ADAMTSL1: variants seen among roughly 807,000 people sequenced by gnomAD.
The protein encoded by ADAMTSL1 is ADAMTS-like protein 1.
Under a neutral mutation model 201.8 loss-of-function variants are expected in ADAMTSL1, and 126 were observed. That is an observed-to-expected ratio of 0.62 (90% CI 0.54 to 0.72). The LOEUF (loss-of-function observed/expected upper bound fraction) is 0.72. Ranked by LOEUF, ADAMTSL1 falls within the 30% of genes least tolerant of loss-of-function variation. The pLI is 0.00. For missense variants in ADAMTSL1, 2,679 were observed against 2,277.8 expected (o/e 1.18, Z -3.59); for synonymous variants, 1,121 against 903.4 (o/e 1.24, Z -4.32).
At chr9:18,662,276 A>G (rs568967066) in intron 9 of ADAMTSL1, among the ~76,000 whole-genome samples, 1 of 152,306 alleles carries the variant, frequency 6.6e-6, no homozygotes, top group African/African-American at 2.4e-5. Context: ...CTCGGAGTCT[A>G]CAGACTCCCC....
intron 1 of ADAMTSL1, among the ~76,000 whole-genome samples, chr9:18,482,996 G>A (rs918608689): frequency 6.6e-6 from 1 of 152,282 alleles, no homozygotes; most frequent in Non-Finnish European, 1.5e-5. Flanking sequence ...TGAAATTACT[G>A]TTATGAGGTT....
chr9:18,524,623 C>G (rs969723378), intron 2 of ADAMTSL1, among the ~76,000 whole-genome samples: 1 of 152,072 alleles, frequency 6.6e-6, no homozygotes, highest in African/African-American at 2.4e-5. Context: ...CCATTGATAC[C>G]TAGTTTATTG....
chr9:18,829,023 G>A (rs1042290428), intron 22 of ADAMTSL1, among the ~76,000 whole-genome samples: 4 of 152,070 alleles, frequency 2.6e-5, no homozygotes, highest in African/African-American at 9.7e-5. Flanking sequence ...GTAAATTGCA[G>A]TTCCTCAGGA....
At chr9:18,179,876 C>T (rs1382321479) in intron 2 of ADAMTSL1, among the ~76,000 whole-genome samples, 87 of 151,728 alleles carry the variant, frequency 5.7e-4, no homozygotes, top group African/African-American at 1.7e-3. Flanking sequence ...CTGAAGGAAG[C>T]GCTAAACATG....
intron 2 of ADAMTSL1, among the ~76,000 whole-genome samples, chr9:18,252,796 G>A (rs1270256027): frequency 6.6e-6 from 1 of 151,970 alleles, no homozygotes; most frequent in African/African-American, 2.4e-5. Flanking sequence ...TTGCTGGTTG[G>A]GTATTAGTTG....
intron 1 of ADAMTSL1, among the ~76,000 whole-genome samples, chr9:17,963,558 T>TG (rs1817844985): frequency 6.6e-6 from 1 of 152,208 alleles, no homozygotes; most frequent in Non-Finnish European, 1.5e-5. Context: ...AATGAGTTTT[T>TG]GGGAAGTTTT....
intron 2 of ADAMTSL1, among the ~76,000 whole-genome samples, chr9:18,207,934 A>C (rs1406154363): frequency 3.3e-5 from 5 of 152,144 alleles, no homozygotes; most frequent in Non-Finnish European, 7.4e-5. Context: ...AGAGAGAAGC[A>C]CTGTCTTGTA....
chr9:18,089,969 A>C (rs945226337), intron 1 of ADAMTSL1, among the ~76,000 whole-genome samples: 1 of 152,162 alleles, frequency 6.6e-6, no homozygotes, highest in Non-Finnish European at 1.5e-5. Flanking sequence ...ATTATAATTT[A>C]TATTAAGTTT....
At chr9:18,401,588 C>G (rs1172759537) in intron 2 of ADAMTSL1, among the ~76,000 whole-genome samples, 1 of 152,192 alleles carries the variant, frequency 6.6e-6, no homozygotes, top group Non-Finnish European at 1.5e-5. Context: ...AGTTAAGGAA[C>G]TAGGACCACT....
intron 2 of ADAMTSL1, among the ~76,000 whole-genome samples, chr9:18,321,051 C>T (rs975907267): frequency 3.9e-5 from 6 of 152,128 alleles, no homozygotes; most frequent in Non-Finnish European, 8.8e-5. Flanking sequence ...CTCAATTTTA[C>T]GTTGTTTATA....
At chr9:18,111,483 A>C (rs943468240) in intron 1 of ADAMTSL1, among the ~76,000 whole-genome samples, 1 of 152,130 alleles carries the variant, frequency 6.6e-6, no homozygotes, top group African/African-American at 2.4e-5. Context: ...AAACTATTTT[A>C]TGTGCTTATT....
chr9:18,072,118 T>A (rs766977980), intron 1 of ADAMTSL1, among the ~76,000 whole-genome samples: 11 of 152,148 alleles, frequency 7.2e-5, no homozygotes, highest in Non-Finnish European at 7.4e-5. Flanking sequence ...GCCGTGGGGA[T>A]CTTATTTTTG....
chr9:18,220,322 A>T (rs1022269819), intron 2 of ADAMTSL1, among the ~76,000 whole-genome samples: 1 of 152,272 alleles, frequency 6.6e-6, no homozygotes, highest in Non-Finnish European at 1.5e-5. Flanking sequence ...TTCTTTTGAT[A>T]AAAACATGAT....
chr9:18,274,976 T>C (rs1215517292), intron 2 of ADAMTSL1, among the ~76,000 whole-genome samples: 1 of 152,202 alleles, frequency 6.6e-6, no homozygotes, highest in African/African-American at 2.4e-5. Flanking sequence ...TCTTCTTTTT[T>C]CTTTCCTTTT....
At position 18,581,782 on chromosome 9, in the gene ADAMTSL1, A is replaced by T. The variant is rs140694823; in HGVS notation, c.474+7516A>T. ...CATGTCTGATACCGAGCAGGAAAAA[A>T]ATCCACTAGATTTCAAGGCCTGAGA... On this transcript the variant is annotated intron_variant, in intron 4 of 28. Transcript: ENST00000380548. Among the ~76,000 whole-genome samples, 219 of 152,340 alleles carry T rather than the reference A, an allele frequency of 1.4e-3. 2 individuals are homozygous for T. The Middle Eastern group carries it at 0.024, about 17-fold the overall frequency.
At chr9:18,157,943 G>A (rs931748234) in intron 1 of ADAMTSL1, among the ~76,000 whole-genome samples, 1 of 151,952 alleles carries the variant, frequency 6.6e-6, no homozygotes, top group Non-Finnish European at 1.5e-5. Context: ...CAGTATGTAT[G>A]CATAGGTATA....
At position 18,805,664 on chromosome 9, in the gene ADAMTSL1, A is replaced by G. The variant is rs1267721890; in HGVS notation, c.3805+10140A>G. Among the ~76,000 whole-genome samples the G allele has an allele frequency of 2.0e-5, 3 of 152,196 alleles. No homozygotes were observed. In the East Asian group the frequency reaches 5.8e-4, roughly 29 times the overall value. On this transcript the variant is annotated intron_variant, in intron 20 of 28. Coordinates refer to ENST00000380548, the MANE Select transcript of ADAMTSL1 (RefSeq NM_001040272.6). ...AGCTCGGGACACCTAACCTGTAGAC[A>G]GCCCTTTCTCCTGCCCCTGCCCCTG...
intron 2 of ADAMTSL1, among the ~76,000 whole-genome samples, chr9:18,249,155 A>G (rs1030927705): frequency 6.6e-6 from 1 of 152,210 alleles, no homozygotes; most frequent in African/African-American, 2.4e-5. Context: ...AAGCCATGTA[A>G]GCAGTTGTTT....
At chr9:18,580,049 A>G (rs1420558739) in intron 4 of ADAMTSL1, among the ~76,000 whole-genome samples, 1 of 152,224 alleles carries the variant, frequency 6.6e-6, no homozygotes, top group Non-Finnish European at 1.5e-5. Flanking sequence ...GATATATGTC[A>G]AAAGAAAAAG....
Sources: allele counts gnomAD v4.1 joint callset (sites outside exome capture counted in the v4.1 genomes callset), GRCh38; gene constraint gnomAD v4.1.1; transcripts MANE v1.5; gene names NCBI Gene and HGNC (gene_info 2026-07-23, HGNC 2026-07-21).